CACNA1C: variants seen among roughly 807,000 people sequenced by gnomAD.
CACNA1C encodes the protein calcium voltage-gated channel subunit alpha1 C.
A neutral mutation model predicts 229.0 loss-of-function variants in CACNA1C; 30 were observed. The observed-to-expected ratio is 0.13, with a 90% CI of 0.10 to 0.18. The LOEUF (loss-of-function observed/expected upper bound fraction) is 0.18, where lower values mean the gene tolerates loss of function less well. Among genes scored for constraint, CACNA1C ranks in the 10% least tolerant of loss-of-function variants. The pLI, the probability that CACNA1C is intolerant of heterozygous loss-of-function variation, is 1.00. For missense variants in CACNA1C, 1,658 were observed against 2,845.0 expected (o/e 0.58, Z 9.49); for synonymous variants, 1,114 against 1,132.5 (o/e 0.98, Z 0.33).
chr12:2,028,187 A>G (rs565603725), intron 1 of CACNA1C, among the ~76,000 whole-genome samples: 1 of 152,346 alleles, frequency 6.6e-6, no homozygotes, highest in South Asian at 2.1e-4. Context: ...AGAGGTTTTC[A>G]AATTGTATTC....
intron 3 of CACNA1C, among the ~76,000 whole-genome samples, chr12:2,444,180 G>T (rs1021216377): frequency 2.0e-5 from 3 of 152,162 alleles, no homozygotes; most frequent in African/African-American, 7.2e-5. Context: ...CGTTTCTCCA[G>T]TACCCCGGCA....
intron 38 of CACNA1C, 64 bp downstream of exon 38, chr12:2,669,099 C>A: frequency 8.7e-7 from 1 of 1,152,932 alleles, no homozygotes; most frequent in Non-Finnish European, 1.3e-6. Context: ...CAGAGAGGAG[C>A]TCGGCAGCCT....
chr12:2,593,648 C>G (rs1284386894), intron 19 of CACNA1C, among the ~76,000 whole-genome samples: 3 of 152,166 alleles, frequency 2.0e-5, no homozygotes, highest in Non-Finnish European at 4.4e-5. Flanking sequence ...CAAGAACCTC[C>G]TCCTGTATAA....
upstream of CACNA1C, chr12:2,048,365 A>G (rs2051447569): frequency 6.6e-6 from 1 of 152,074 alleles, no homozygotes; most frequent in Non-Finnish European, 1.5e-5. Flanking sequence ...TTCTGACTCC[A>G]CTCTTCCTAC....
intron 1 of CACNA1C, among the ~76,000 whole-genome samples, chr12:2,093,075 T>C (rs2154081104): frequency 6.6e-6 from 1 of 152,344 alleles, no homozygotes; most frequent in South Asian, 2.1e-4. Context: ...AATGCCAGGC[T>C]GCCTGGAGCT....
chr12:2,192,064 G>A (rs923414974), intron 3 of CACNA1C, among the ~76,000 whole-genome samples: 1 of 151,212 alleles, frequency 6.6e-6, no homozygotes, highest in Non-Finnish European at 1.5e-5. Context: ...ACACACTCAG[G>A]CACAGACACA....
intron 9 of CACNA1C, among the ~76,000 whole-genome samples, chr12:2,547,006 G>A (rs1350490745): frequency 6.6e-6 from 1 of 152,180 alleles, no homozygotes; most frequent in Non-Finnish European, 1.5e-5. Context: ...GAGGAGACAA[G>A]TCACCTGGCT....
intron 3 of CACNA1C, among the ~76,000 whole-genome samples, chr12:2,371,742 TTTTTA>T (rs2097871950): frequency 6.6e-6 from 1 of 150,720 alleles, no homozygotes; most frequent in African/African-American, 2.5e-5. Context: ...TTTTTTTTTT[TTTTTA>T]ATCTCGGACT....
At chr12:2,432,143 G>A (rs942516464) in intron 3 of CACNA1C, among the ~76,000 whole-genome samples, 20 of 152,202 alleles carry the variant, frequency 1.3e-4, no homozygotes, top group African/African-American at 4.8e-4. Context: ...AATTATGACA[G>A]TTTAAAGCTT....
At chr12:2,028,529 T>A (rs755388339) in intron 1 of CACNA1C, among the ~76,000 whole-genome samples, 2 of 152,142 alleles carry the variant, frequency 1.3e-5, no homozygotes, top group Non-Finnish European at 2.9e-5. Context: ...ACTATTGAAT[T>A]CCTCCTTTTA....
chr12:2,605,009 C>A lies in CACNA1C; in HGVS notation c.2961-72C>A, dbSNP rs1255016940. 6 of 1,124,948 alleles carry A rather than the reference C, an allele frequency of 5.3e-6. No individual in the cohort carries two copies. Among genetic ancestry groups the A allele is most frequent in the Non-Finnish European group, 8.1e-6 (6 of 736,588 alleles). 69.7% of individuals were successfully genotyped at this position (1,124,948 alleles called of 1,614,324 possible). ...CCTCGGATTCACCTGTCAGGACATT[C>A]CCTTACCACATTATTTTTGCTCCCC... On this transcript the variant is annotated intron_variant, in intron 22 of 46. Transcript: ENST00000399655. The surrounding 1 kb of genome is among the most constrained non-coding windows in gnomAD (Gnocchi z 6.2).
rs59258094 is a variant in CACNA1C at position 2,277,362 on chromosome 12, GACACACACACACACACACACACACAC to G, written c.477+156973_477+156998del. On this transcript the variant is annotated intron_variant, in intron 3 of 46. Transcript: ENST00000399655. ...AGACAGACAGACAGACAGACAGACA[GACACACACACACACACACACACACAC>G]ACACACACACACACACACACACACA... is the stretch of plus-strand genomic sequence containing the variant. Among the ~76,000 whole-genome samples, 721 of 72,232 alleles carry G rather than the reference GACACACACACACACACACACACACAC, an allele frequency of 1.0e-2. 1 individual carries two copies. Among genetic ancestry groups the G allele is most frequent in the Non-Finnish European group, 0.015 (525 of 34,608 alleles). The allele number at this position is 72,232 out of a possible 152,430, so 47.4% of individuals were successfully genotyped here.
At chr12:2,296,578 G>GACC (rs894628465) in intron 3 of CACNA1C, among the ~76,000 whole-genome samples, 3 of 152,142 alleles carry the variant, frequency 2.0e-5, no homozygotes, top group African/African-American at 7.2e-5. Flanking sequence ...CCTCACATGG[G>GACC]ACCACCACCA....
intron 29 of CACNA1C, among the ~76,000 whole-genome samples, chr12:2,623,169 G>A (rs971007940): frequency 6.6e-6 from 1 of 152,198 alleles, no homozygotes. Flanking sequence ...AGTGGGACAA[G>A]GGTTTAGGAT....
chr12:2,586,325 T>G (rs1428845451), intron 18 of CACNA1C, among the ~76,000 whole-genome samples: 1 of 152,222 alleles, frequency 6.6e-6, no homozygotes, highest in Admixed American at 6.5e-5. Flanking sequence ...CAGGGACAGC[T>G]GCCACCACAG....
intron 3 of CACNA1C, among the ~76,000 whole-genome samples, chr12:2,412,015 C>T (rs964514184): frequency 1.4e-4 from 21 of 152,152 alleles, no homozygotes; most frequent in Non-Finnish European, 8.8e-5. Context: ...TCTTCTTGCT[C>T]GAGCTAGGCC....
At chr12:2,207,013 A>G (rs1424775578) in intron 3 of CACNA1C, among the ~76,000 whole-genome samples, 1 of 152,220 alleles carries the variant, frequency 6.6e-6, no homozygotes. Flanking sequence ...AGTACAGTTG[A>G]TAGAATGTGG....
chr12:2,115,554 T>C lies in CACNA1C; in HGVS notation c.371+9T>C. 1 of 1,612,610 alleles carries C rather than the reference T, an allele frequency of 6.2e-7. No individual in the cohort carries two copies. The highest frequency in any genetic ancestry group is 8.5e-7 in the Non-Finnish European group (1 of 1,179,540). On this transcript the variant is annotated intron_variant, in intron 2 of 46. Coordinates refer to ENST00000399655, the MANE Select transcript of CACNA1C (RefSeq NM_000719.7). ...AGCATTGTCGAATGGAAATATCCTT[T>C]GTTCACCGGGCTGGGCATGCTCCTG... is the stretch of plus-strand genomic sequence containing the variant.
intron 3 of CACNA1C, among the ~76,000 whole-genome samples, chr12:2,165,669 G>T (rs1002234189): frequency 5.9e-5 from 9 of 152,210 alleles, no homozygotes. Context: ...TTCTGTTTAA[G>T]TGGAAAATGC....
Sources: gnomAD v4.1 joint callset for allele counts (sites outside exome capture counted in the v4.1 genomes callset) on GRCh38, gnomAD v4.1.1 for gene constraint, Gnocchi (gnomAD v3.1) non-coding constraint, MANE v1.5 for transcripts, NCBI Gene and HGNC (gene_info 2026-07-23, HGNC 2026-07-21) for gene names.